Variants in PEBP4 observed in about 807,000 individuals in gnomAD.
The protein encoded by PEBP4 is phosphatidylethanolamine binding protein 4, also known as phosphatidylethanolamine-binding protein 4.
PEBP4 carries 22 observed loss-of-function variants against 23.9 expected under a neutral mutation model. That is an observed-to-expected ratio of 0.92 (90% CI 0.66 to 1.31). PEBP4 has a LOEUF of 1.31. PEBP4 is among the 40% of genes most tolerant of loss of function. The pLI is 0.00. For synonymous variants in PEBP4, 112 were observed against 99.3 expected (o/e 1.13, Z -0.76); for missense variants, 324 against 281.7 (o/e 1.15, Z -1.07).
intron 4 of PEBP4, among the ~76,000 whole-genome samples, chr8:22,733,665 TCTCGTTACCCAC>T (rs2128749628): frequency 6.6e-6 from 1 of 152,110 alleles, no homozygotes; most frequent in Non-Finnish European, 1.5e-5. Flanking sequence ...GAGGACTTAA[TCTCGTTACCCAC>T]CTCTTCCCAT....
At chr8:22,816,453 T>A (rs1806742078) in intron 4 of PEBP4, among the ~76,000 whole-genome samples, 1 of 152,224 alleles carries the variant, frequency 6.6e-6, no homozygotes, top group Non-Finnish European at 1.5e-5. Context: ...TTGCTCAGGA[T>A]AGTCACAAGC....
At chr8:22,841,337 G>A (rs1002108787) in intron 3 of PEBP4, among the ~76,000 whole-genome samples, 3 of 152,246 alleles carry the variant, frequency 2.0e-5, no homozygotes, top group African/African-American at 7.2e-5. Context: ...TCTTTAGGGG[G>A]TAAATAACTT....
At chr8:22,853,111 T>C (rs1030142317) in intron 3 of PEBP4, among the ~76,000 whole-genome samples, 2 of 152,272 alleles carry the variant, frequency 1.3e-5, no homozygotes, top group Admixed American at 6.5e-5. Context: ...TCCAGTTTCA[T>C]TTCAATCTGT....
chr8:22,915,619 C>T (rs376171669), intron 3 of PEBP4, among the ~76,000 whole-genome samples: 2 of 152,220 alleles, frequency 1.3e-5, no homozygotes, highest in East Asian at 1.9e-4. Context: ...AGTGAGTCAC[C>T]GCCCATCCCC....
At chr8:22,794,941 A>G (rs1179111081) in intron 4 of PEBP4, among the ~76,000 whole-genome samples, 2 of 151,646 alleles carry the variant, frequency 1.3e-5, no homozygotes, top group South Asian at 2.1e-4. Context: ...TTTATTTCCC[A>G]AATGGATAGT....
chr8:22,892,074 GA>G (rs772606463), intron 3 of PEBP4, among the ~76,000 whole-genome samples: 160 of 131,910 alleles, frequency 1.2e-3, no homozygotes, highest in Middle Eastern at 4.3e-3. Flanking sequence ...CTCCGTCTCA[GA>G]AAAAAAAAAA....
At chr8:22,803,270 A>C (rs1205043116) in intron 4 of PEBP4, among the ~76,000 whole-genome samples, 1 of 152,186 alleles carries the variant, frequency 6.6e-6, no homozygotes, top group African/African-American at 2.4e-5. Context: ...AAGACACAGC[A>C]GCCCTTTGGC....
chr8:22,937,384 G>C (rs957832752), intron 1 of PEBP4, among the ~76,000 whole-genome samples: 1 of 152,118 alleles, frequency 6.6e-6, no homozygotes, highest in Non-Finnish European at 1.5e-5. Context: ...CTTAACCAAG[G>C]AGGTGAAAGA....
At chr8:22,732,215 G>A (rs1017320537) in intron 4 of PEBP4, among the ~76,000 whole-genome samples, 1 of 152,066 alleles carries the variant, frequency 6.6e-6, no homozygotes, top group African/African-American at 2.4e-5. Context: ...TGTGGAGATG[G>A]GGAGTCTAAA....
intron 3 of PEBP4, among the ~76,000 whole-genome samples, chr8:22,907,102 A>G (rs1808832658): frequency 6.6e-6 from 1 of 152,062 alleles, no homozygotes; most frequent in African/African-American, 2.4e-5. Context: ...GAGTGGGAGG[A>G]GGGATGCAGG....
At chr8:22,759,823 T>C (rs941583775) in intron 4 of PEBP4, among the ~76,000 whole-genome samples, 33 of 152,242 alleles carry the variant, frequency 2.2e-4, no homozygotes, top group African/African-American at 7.9e-4. Context: ...GGGAACAGCC[T>C]CCCAGGCTGC....
At chr8:22,737,436 C>T (rs535298982) in intron 4 of PEBP4, among the ~76,000 whole-genome samples, 18 of 152,184 alleles carry the variant, frequency 1.2e-4, no homozygotes, top group Non-Finnish European at 2.1e-4. Flanking sequence ...TTGCGGAGTG[C>T]CCGTGGTGCG....
intron 3 of PEBP4, among the ~76,000 whole-genome samples, chr8:22,911,244 C>T (rs1280227503): frequency 2.6e-5 from 4 of 152,162 alleles, no homozygotes; most frequent in African/African-American, 7.2e-5. Context: ...GTGGACTCTG[C>T]GAGTACAAGA....
intron 4 of PEBP4, among the ~76,000 whole-genome samples, chr8:22,778,429 G>A (rs959881755): frequency 4.0e-5 from 6 of 149,634 alleles, no homozygotes; most frequent in East Asian, 2.0e-4. Context: ...TTGTTGCCCC[G>A]GCTGGAGTGC....
intron 3 of PEBP4, among the ~76,000 whole-genome samples, chr8:22,882,770 A>G (rs1396873084): frequency 6.6e-6 from 1 of 152,130 alleles, no homozygotes; most frequent in Non-Finnish European, 1.5e-5. Flanking sequence ...CCATACCACC[A>G]ACCACCTCCT....
chr8:22,887,735 G>A (rs1181294963), intron 3 of PEBP4: 1 of 152,112 alleles, frequency 6.6e-6, no homozygotes, highest in Admixed American at 6.5e-5. Context: ...TGCCAGCCTG[G>A]GTGACAGAGC....
chr8:22,838,506 A>C (rs947549628), intron 3 of PEBP4, among the ~76,000 whole-genome samples: 2 of 152,198 alleles, frequency 1.3e-5, no homozygotes, highest in Non-Finnish European at 2.9e-5. Context: ...TCCCTCACAC[A>C]TGACACTGCC....
intron 3 of PEBP4, among the ~76,000 whole-genome samples, chr8:22,871,978 C>T (rs2128770626): frequency 6.6e-6 from 1 of 152,286 alleles, no homozygotes; most frequent in African/African-American, 2.4e-5. Context: ...ACTGTTATGC[C>T]TTTGCATCCT....
intron 3 of PEBP4, among the ~76,000 whole-genome samples, chr8:22,903,976 C>G (rs1808758785): frequency 6.6e-6 from 1 of 152,210 alleles, no homozygotes; most frequent in Non-Finnish European, 1.5e-5. Flanking sequence ...GTGACCTGCC[C>G]CTGGACTCAG....
Sources: gnomAD v4.1 joint callset for allele counts (sites outside exome capture counted in the v4.1 genomes callset) on GRCh38, gnomAD v4.1.1 for gene constraint, MANE v1.5 for transcripts, NCBI Gene and HGNC (gene_info 2026-07-23, HGNC 2026-07-21) for gene names.